The following SLC13A4 variants were observed in gnomAD, a reference collection of about 807,000 sequenced individuals.
SLC13A4 encodes the protein solute carrier family 13 member 4, also known as Na(+)/sulfate cotransporter SUT-1.
SLC13A4 carries 28 observed loss-of-function variants against 72.7 expected under a neutral mutation model. The observed-to-expected ratio is 0.39, with a 90% CI of 0.29 to 0.53. The LOEUF (loss-of-function observed/expected upper bound fraction) is 0.53, where lower values mean the gene tolerates loss of function less well. Ranked by LOEUF, SLC13A4 falls within the 20% of genes least tolerant of loss-of-function variation. The pLI is 0.78. For synonymous variants in SLC13A4, 312 were observed against 325.5 expected, an observed-to-expected ratio of 0.96 and a Z score of 0.45; for missense variants, 653 against 788.0, an observed-to-expected ratio of 0.83 and a Z score of 2.05.
chr7:135,683,701 T>A (rs956351019), intron 15 of SLC13A4: 5 of 985,256 alleles, frequency 5.1e-6, no homozygotes, highest in Non-Finnish European at 6.0e-6. Context: ...AGCAGAAGAA[T>A]CCTGTTTTCT....
chr7:135,681,737 A>C, intron 15 of SLC13A4, 37 bp from the exon 16 acceptor site: 1 of 1,600,746 alleles, frequency 6.2e-7, no homozygotes, highest in Non-Finnish European at 8.5e-7. Context: ...AGTCACTCTG[A>C]CCAGCAGCAG....
At position 135,685,609 on chromosome 7, in the gene SLC13A4, C is replaced by G. The variant is rs375873088; in HGVS notation, c.1521G>C (p.Leu507=). 1.9e-4 allele frequency: 308 copies of G among 1,614,176 alleles called. No individual in the cohort carries two copies. Among genetic ancestry groups the G allele is most frequent in the Middle Eastern group, 6.6e-4 (4 of 6,062 alleles). The change falls in exon 14 of 16, where the codon CTG becomes CTC. Residue 507 remains leucine, a synonymous_variant. Coordinates refer to ENST00000682651, the MANE Select transcript of SLC13A4 (RefSeq NM_001318192.2). ...CAATGGACACGAGGATGCATGCCAG[C>G]AGGGTGACAGCCCACGGTGGGAGGC... ...LSSLPPWAVT[L]LACILVSIVT...
At chr7:135,687,282 C>T (rs1252665205) in intron 13 of SLC13A4, among the ~76,000 whole-genome samples, 1 of 152,082 alleles carries the variant, frequency 6.6e-6, no homozygotes, top group Non-Finnish European at 1.5e-5. Flanking sequence ...CTAGAAACTG[C>T]GAATGCAATG....
chr7:135,696,371 C>T (rs935252329), intron 8 of SLC13A4, among the ~76,000 whole-genome samples: 25 of 151,698 alleles, frequency 1.6e-4, no homozygotes, highest in Non-Finnish European at 3.2e-4. Context: ...TTTTTTGAGA[C>T]GGAGTCTTGC....
chr7:135,691,783 A>G (rs1795793477), intron 11 of SLC13A4, 138 bp from the exon 12 acceptor site: 2 of 612,248 alleles, frequency 3.3e-6, no homozygotes, highest in Non-Finnish European at 5.8e-6. Flanking sequence ...AGTTCTTGCC[A>G]GTTGCTGCCA....
At chr7:135,690,336 T>G (rs143192635) in intron 13 of SLC13A4, among the ~76,000 whole-genome samples, 13 of 152,192 alleles carry the variant, frequency 8.5e-5, no homozygotes, top group African/African-American at 2.9e-4. Flanking sequence ...GGAAATTCAA[T>G]CATCCCCTCA....
chr7:135,727,371 C>T, intron 1 of SLC13A4, 27 bp downstream of exon 1: 4 of 1,546,050 alleles, frequency 2.6e-6, no homozygotes, highest in South Asian at 1.2e-5. Flanking sequence ...ACTCCCAGAC[C>T]CCCGGTGGGC....
Position 135,702,694 on chromosome 7 carries a change from A to G in SLC13A4, c.633+151T>C, listed in dbSNP as rs902601908. On this transcript the variant is annotated intron_variant, in intron 6 of 15. Coordinates refer to ENST00000682651, the MANE Select transcript of SLC13A4 (RefSeq NM_001318192.2). ...CCCAGCCAATGTGTCCTTTTTAATA[A>G]TAACATTTTGTCAATGGAATCCTCA... The G allele has an allele frequency of 9.6e-6, 7 of 729,376 alleles. No individual in the cohort carries two copies. In the African/African-American group the frequency reaches 1.1e-4, roughly 11 times the overall value. 45.2% of individuals were successfully genotyped at this position (729,376 alleles called of 1,614,324 possible). A position where few individuals can be genotyped will look rare whatever the true frequency, so the allele number is the denominator to read the frequency against.
chr7:135,691,366 G>C (rs751470911), intron 12 of SLC13A4, 41 bp from the exon 13 acceptor site: 3 of 1,532,580 alleles, frequency 2.0e-6, no homozygotes, highest in Non-Finnish European at 2.7e-6. Flanking sequence ...AACCCTGATG[G>C]ACGTGATTTG....
intron 1 of SLC13A4, among the ~76,000 whole-genome samples, chr7:135,722,262 A>AAACC (rs1426999548): frequency 1.0e-5 from 1 of 100,216 alleles, no homozygotes; most frequent in Non-Finnish European, 2.0e-5. Context: ...TCAAAAAAAC[A>AAACC]AGCAAACAAA....
At chr7:135,719,956 G>GGAGAGA (rs10700387) in intron 2 of SLC13A4, among the ~76,000 whole-genome samples, 3 of 135,982 alleles carry the variant, frequency 2.2e-5, no homozygotes, top group East Asian at 2.2e-4. Context: ...GGAGTTGGGG[G>GGAGAGA]GAGAGAGAGA....
intron 1 of SLC13A4, among the ~76,000 whole-genome samples, chr7:135,722,270 AAAC>A (rs10640509): frequency 1.3e-5 from 2 of 151,850 alleles, no homozygotes; most frequent in African/African-American, 2.4e-5. Flanking sequence ...ACAAGCAAAC[AAAC>A]AAAAAAAACA....
chr7:135,691,905 A>G (rs1795796503), intron 11 of SLC13A4: 3 of 467,548 alleles, frequency 6.4e-6, no homozygotes, highest in African/African-American at 1.9e-5. Context: ...CAAGTCCTAG[A>G]TGGAGTGATC....
chr7:135,693,789 C>G (rs777827108), intron 10 of SLC13A4, among the ~76,000 whole-genome samples: 4 of 152,162 alleles, frequency 2.6e-5, no homozygotes, highest in African/African-American at 9.7e-5. Flanking sequence ...ACTGTGGTGG[C>G]GCGTCTGAGC....
intron 1 of SLC13A4, among the ~76,000 whole-genome samples, chr7:135,724,481 A>G (rs1796610582): frequency 7.3e-6 from 1 of 136,816 alleles, no homozygotes; most frequent in Non-Finnish European, 1.5e-5. Context: ...CCTGAGTGAC[A>G]GAGTGAGACT....
intron 1 of SLC13A4, among the ~76,000 whole-genome samples, chr7:135,723,537 C>A (rs1461813168): frequency 6.6e-6 from 1 of 152,146 alleles, no homozygotes; most frequent in Non-Finnish European, 1.5e-5. Flanking sequence ...GCTGTGGGAT[C>A]CTCAATTTTT....
intron 1 of SLC13A4, among the ~76,000 whole-genome samples, chr7:135,726,950 T>C (rs1313127084): frequency 2.0e-5 from 3 of 152,182 alleles, no homozygotes. Context: ...CACGGTTCTC[T>C]TCCTCCCCCA....
intron 2 of SLC13A4, 114 bp from the exon 3 acceptor site, chr7:135,708,364 G>A: frequency 7.1e-7 from 1 of 1,402,836 alleles, no homozygotes. Context: ...AAAGAGGCTG[G>A]CGAAGGGGAG....
At chr7:135,705,418 C>T in intron 5 of SLC13A4, 178 bp downstream of exon 5, 1 of 555,714 alleles carries the variant, frequency 1.8e-6, no homozygotes, top group Admixed American at 3.1e-5. Context: ...CCTGACAGGT[C>T]ACTCCTAGGT....
Sources: gnomAD v4.1 joint callset for allele counts (sites outside exome capture counted in the v4.1 genomes callset) on GRCh38, gnomAD v4.1.1 for gene constraint, MANE v1.5 for transcripts, NCBI Gene and HGNC (gene_info 2026-07-23, HGNC 2026-07-21) for gene names.